KMT5B: variants seen among roughly 807,000 people sequenced by gnomAD.
The protein encoded by KMT5B is lysine methyltransferase 5B.
A neutral mutation model predicts 83.2 loss-of-function variants in KMT5B; 10 were observed. The ratio of observed to expected loss-of-function variants is 0.12; its 90% CI spans 0.07 to 0.20. The LOEUF (loss-of-function observed/expected upper bound fraction) is 0.20, where lower values mean the gene tolerates loss of function less well. KMT5B is among the 10% of genes least tolerant of loss of function. The pLI is 1.00. For missense variants in KMT5B, 753 were observed against 1,067.2 expected (o/e 0.71, Z 4.10); for synonymous variants, 349 against 388.8 (o/e 0.90, Z 1.20).
chr11:68,164,777 C>T (rs1375673212), intron 10 of KMT5B: 25 of 460,148 alleles, frequency 5.4e-5, no homozygotes, highest in South Asian at 2.0e-4. Flanking sequence ...CAGCTTAAAG[C>T]GATTATTCAG....
At chr11:68,166,041 G>A (rs1195671626) in intron 10 of KMT5B, 1 of 1,588,072 alleles carries the variant, frequency 6.3e-7, no homozygotes, top group East Asian at 2.3e-5. Flanking sequence ...GGGCTCTAAG[G>A]TGCCAAGAAG....
At position 68,179,504 on chromosome 11, in the gene KMT5B, G is replaced by C. The variant is rs771069885; in HGVS notation, c.377+628C>G. On this transcript the variant is annotated intron_variant, in intron 4 of 10. Transcript: ENST00000304363. ...ACTCTTTCCAGAGACTCACTTCCCA[G>C]GTTTTCTTGCTATTTGGTTTTTCTG... is the stretch of plus-strand genomic sequence containing the variant. The C allele has an allele frequency of 1.2e-5, 16 of 1,304,136 alleles. No homozygotes were observed. In the South Asian group the frequency reaches 2.0e-4, roughly 16 times the overall value. The allele number at this position is 1,304,136 out of a possible 1,614,324, so 80.8% of individuals were successfully genotyped here.
At chr11:68,213,438 C>A (rs1284807175), upstream of KMT5B, 1 of 146,424 alleles carries the variant, frequency 6.8e-6, no homozygotes, top group African/African-American at 2.5e-5. Flanking sequence ...CGCTGCGCCC[C>A]CGGCGCCCGC....
intron 1 of KMT5B, among the ~76,000 whole-genome samples, chr11:68,201,937 AAATT>A (rs1043303256): frequency 1.1e-4 from 16 of 151,586 alleles, no homozygotes; most frequent in African/African-American, 3.9e-4. Flanking sequence ...AAAAAAAAAA[AAATT>A]AGTCGGGTGT....
chr11:68,202,898 A>G (rs1250170043), intron 1 of KMT5B, among the ~76,000 whole-genome samples: 3 of 151,980 alleles, frequency 2.0e-5, no homozygotes, highest in Non-Finnish European at 1.5e-5. Context: ...GGTGTACAAA[A>G]TACCTGTTTG....
intron 1 of KMT5B, among the ~76,000 whole-genome samples, chr11:68,202,689 C>A (rs1859601572): frequency 6.6e-6 from 1 of 151,314 alleles, no homozygotes; most frequent in South Asian, 2.1e-4. Flanking sequence ...GCTGGGATTA[C>A]AGGCGCGCAC....
At chr11:68,183,989 G>C (rs1857196658) in intron 3 of KMT5B, among the ~76,000 whole-genome samples, 1 of 152,132 alleles carries the variant, frequency 6.6e-6, no homozygotes, top group Admixed American at 6.5e-5. Context: ...GCATCCAATG[G>C]CAGTCATTTG....
chr11:68,177,617 C>A (rs559656307), intron 4 of KMT5B, among the ~76,000 whole-genome samples: 1 of 152,056 alleles, frequency 6.6e-6, no homozygotes, highest in South Asian at 2.1e-4. Context: ...ATCCTGAATT[C>A]TCACAACTAT....
At chr11:68,205,214 A>G (rs1859943904) in intron 1 of KMT5B, among the ~76,000 whole-genome samples, 1 of 151,752 alleles carries the variant, frequency 6.6e-6, no homozygotes, top group Admixed American at 6.6e-5. Context: ...GCTACTCAGG[A>G]GGCTGAGGCT....
intron 10 of KMT5B, among the ~76,000 whole-genome samples, chr11:68,164,512 G>T (rs149725372): frequency 6.6e-6 from 1 of 152,166 alleles, no homozygotes; most frequent in East Asian, 1.9e-4. Flanking sequence ...CTAAGAGAAC[G>T]CATGTAAGAA....
Position 68,190,144 on chromosome 11 carries a change from T to C in KMT5B, c.-68A>G. 2.1e-6 allele frequency: 3 copies of C among 1,443,608 alleles called. No individual in the cohort carries two copies. Among genetic ancestry groups the C allele is most frequent in the Middle Eastern group, 1.8e-4 (1 of 5,612 alleles). The allele number at this position is 1,443,608 out of a possible 1,614,324, so 89.4% of individuals were successfully genotyped here. The stretch of plus-strand genomic sequence containing the variant: ...CAAATAGCTTAGAGAATACTTTCAA[T>C]GTTCTCTCCTAACAGAAACAAAATA... On this transcript the variant is annotated 5_prime_UTR_variant, in exon 2 of 11. Transcript: ENST00000304363.
Position 68,158,737 on chromosome 11 carries a change from T to C in KMT5B, c.1609A>G (p.Ile537Val), listed in dbSNP as rs761165640. The C allele has an allele frequency of 1.9e-6, 3 of 1,614,046 alleles. No individual in the cohort carries two copies. The highest frequency in any genetic ancestry group is 1.3e-5 in the African/African-American group (1 of 74,920). ...SQGESSPCTY[I>V]TRRSVRTRTN... The stretch of plus-strand genomic sequence containing the variant: ...CTTGTCCTCACTGACCGCCGAGTTA[T>C]GTAGGTGCAGGGCGAGCTCTCCCCC... The change falls in exon 11 of 11, where the codon ATA becomes GTA. Residue 537 changes from isoleucine to valine, a missense_variant. Ile to Val is a conservative substitution (Grantham distance 29). This residue lies in a region of KMT5B where 397 missense variants were observed against 395.9 expected (regional missense o/e 1.00). Transcript: ENST00000304363.
chr11:68,164,800 T>C (rs1855167772), intron 10 of KMT5B: 1 of 452,600 alleles, frequency 2.2e-6, no homozygotes, highest in South Asian at 1.6e-5. Context: ...CCTCTGAACT[T>C]GAAAGCCTGT....
chr11:68,174,439 G>C (rs920260599), intron 5 of KMT5B, among the ~76,000 whole-genome samples: 1 of 152,138 alleles, frequency 6.6e-6, no homozygotes, highest in African/African-American at 2.4e-5. Context: ...CAAATTTTGG[G>C]GTTAAGGGTA....
At chr11:68,205,488 T>C (rs563320634) in intron 1 of KMT5B, among the ~76,000 whole-genome samples, 49 of 152,330 alleles carry the variant, frequency 3.2e-4, no homozygotes, top group African/African-American at 7.7e-4. Flanking sequence ...CTGAATAGCA[T>C]TGTAATTGAA....
chr11:68,188,561 T>C (rs1857688899), intron 2 of KMT5B, among the ~76,000 whole-genome samples: 1 of 152,036 alleles, frequency 6.6e-6, no homozygotes, highest in African/African-American at 2.4e-5. Flanking sequence ...TTTCACCATG[T>C]TGCCCAGGCT....
In KMT5B at chr11:68,165,674, A is replaced by T. The variant is rs1316344099; in HGVS notation, c.1174+1308T>A. 11 of 1,286,624 alleles carry T rather than the reference A, an allele frequency of 8.5e-6. No homozygotes were observed. The East Asian group carries it at 3.3e-4, about 38-fold the overall frequency. The allele number at this position is 1,286,624 out of a possible 1,614,324, so 79.7% of individuals were successfully genotyped here. A position where few individuals can be genotyped will look rare whatever the true frequency, so the allele number is the denominator to read the frequency against. ...TGTCTGCATTTATAAAATGGGCTTC[A>T]CAAGTCTCCAGTTTCACCAAGGAAC... On this transcript the variant is annotated intron_variant, in intron 10 of 10. Coordinates refer to ENST00000304363, the MANE Select transcript of KMT5B (RefSeq NM_017635.5).
chr11:68,171,455 T>C lies in KMT5B; in HGVS notation c.820+88A>G, dbSNP rs1855828879. On this transcript the variant is annotated intron_variant, in intron 7 of 10. Transcript: ENST00000304363. This position sits in a 1 kb window ranked among gnomAD's most constrained non-coding sequence, Gnocchi z 5.1. ...TTTCAAATTCTCCTTTAAAGGAAGATAAAGGTTTGACTGAGGTTGACAAGG... is the reference window on the plus strand; with the variant it reads ...TTTCAAATTCTCCTTTAAAGGAAGACAAAGGTTTGACTGAGGTTGACAAGG... 1 of 1,413,018 alleles carries C rather than the reference T, an allele frequency of 7.1e-7. No homozygotes were observed. The allele number at this position is 1,413,018 out of a possible 1,614,324, so 87.5% of individuals were successfully genotyped here.
rs149741901 is a variant in KMT5B, at chr11:68,200,024, T to C, written c.-76-9872A>G. On this transcript the variant is annotated intron_variant, in intron 1 of 10. Transcript: ENST00000304363. The stretch of plus-strand genomic sequence containing the variant: ...CCTTTTTGGGGGTCTTTTTTGGTTT[T>C]AGTCACTTTTGAGATGCCCACTACA... Among the ~76,000 whole-genome samples the C allele has an allele frequency of 2.3e-3, 358 of 152,342 alleles. 1 individual carries two copies. Among genetic ancestry groups the C allele is most frequent in the African/African-American group, 8.2e-3 (342 of 41,574 alleles).
Sources: allele counts gnomAD v4.1 joint callset (sites outside exome capture counted in the v4.1 genomes callset), GRCh38; gene constraint gnomAD v4.1.1; regional missense constraint gnomAD v4.1.1; non-coding constraint Gnocchi (gnomAD v3.1); transcripts MANE v1.5; gene names NCBI Gene and HGNC (gene_info 2026-07-23, HGNC 2026-07-21).